The following ABCA7 variants were observed in gnomAD, a reference collection of about 807,000 sequenced individuals.
ABCA7 encodes ATP binding cassette subfamily A member 7.
ABCA7 carries 261 observed loss-of-function variants against 227.6 expected under a neutral mutation model. That is an observed-to-expected ratio of 1.15 (90% CI 1.04 to 1.27). The LOEUF (loss-of-function observed/expected upper bound fraction) is 1.27, where lower values mean the gene tolerates loss of function less well. ABCA7 is among the 50% of genes most tolerant of loss of function. The probability of loss-of-function intolerance (pLI) is 0.00; values close to 1 mark genes in which losing one functional copy is unlikely to be tolerated. For synonymous variants in ABCA7, 1,488 were observed against 1,279.7 expected (o/e 1.16, Z -3.47); for missense variants, 3,331 against 2,924.5 (o/e 1.14, Z -3.21).
chr19:1,063,987 C>T (rs2042864113), intron 44 of ABCA7, 124 bp downstream of exon 44: 4 of 1,373,818 alleles, frequency 2.9e-6, no homozygotes, highest in Non-Finnish European at 2.9e-6. Context: ...GCGCCAGGCC[C>T]CGGGGTGTAA....
rs530537679 is a variant in ABCA7 at position 1,052,056 on chromosome 19, G to A, written c.3077G>A (p.Arg1026His). The change falls in exon 22 of 47, where the codon CGC becomes CAC. Residue 1026 changes from arginine (R) to histidine (H), a missense_variant. Coordinates refer to ENST00000263094, the MANE Select transcript of ABCA7 (RefSeq NM_019112.4). ...TGCTGTGGCTCCCCACTCTTCCTGC[G>A]CCGTCACCTGGGCTCCGGCTACTAC... is the stretch of plus-strand genomic sequence containing the variant. ...LCCCGSPLFLRRHLGSGYYLT... is the reference protein window; with the variant it reads ...LCCCGSPLFLHRHLGSGYYLT... The A allele has an allele frequency of 4.1e-5, 66 of 1,612,174 alleles. No individual in the cohort carries two copies. Among genetic ancestry groups the A allele is most frequent in the Admixed American group, 8.3e-5 (5 of 59,994 alleles).
At position 1,056,872 on chromosome 19, in the gene ABCA7, T is replaced by G; in HGVS notation, c.4587-35T>G. 1 of 1,597,522 alleles carries G rather than the reference T, an allele frequency of 6.3e-7. No individual in the cohort carries two copies. Among genetic ancestry groups the G allele is most frequent in the Non-Finnish European group, 8.6e-7 (1 of 1,169,084 alleles). On this transcript the variant is annotated intron_variant, in intron 33 of 46. Transcript: ENST00000263094. This position sits in a 1 kb window ranked among gnomAD's most constrained non-coding sequence, Gnocchi z 4.3. ...TCTGCTCTGAGCAACCCATGCACCC[T>G]CACCCTACAACAGCTCTCATGTCTT...
rs1319058483 is a variant in ABCA7 at position 1,041,878 on chromosome 19, C to T, written c.208C>T (p.Leu70Phe). The T allele has an allele frequency of 1.3e-6, 2 of 1,598,552 alleles. No homozygotes were observed. The highest frequency in any genetic ancestry group is 1.7e-6 in the Non-Finnish European group (2 of 1,177,406). The change falls in exon 4 of 47, where the codon CTC becomes TTC. Residue 70 changes from leucine (L) to phenylalanine (F), a missense_variant. Leu to Phe is a conservative substitution (Grantham distance 22, BLOSUM62 0). Coordinates refer to ENST00000263094, the MANE Select transcript of ABCA7 (RefSeq NM_019112.4). ...GCCATCGGCGGGCACCGTGCCCTGGCTCCAGGGTCTCATCTGTAATGTGAA... is the reference window on the plus strand; with the variant it reads ...GCCATCGGCGGGCACCGTGCCCTGGTTCCAGGGTCTCATCTGTAATGTGAA... ...PLPSAGTVPW[L>F]QGLICNVNNT...
Position 1,043,043 on chromosome 19 carries a change from C to T in ABCA7, c.582C>T (p.Leu194=). 1 of 1,600,030 alleles carries T rather than the reference C, an allele frequency of 6.2e-7. No individual in the cohort carries two copies. The highest frequency in any genetic ancestry group is 8.5e-7 in the Non-Finnish European group (1 of 1,170,558). ...LEAAEDLAQE[L]LALRSLVELR... ...TCCGTCTGGTAACCTCTCTCTAGCT[C>T]CTGGCGCTGCGCAGCCTGGTGGAGC... Residue 194 remains leucine, a splice_region_variant and synonymous_variant, in exon 8 of 47, where the codon CTC becomes CTT. Transcript: ENST00000263094.
chr19:1,062,047 C>T (rs2042691234), intron 41 of ABCA7, 125 bp from the exon 42 acceptor site: 2 of 1,485,696 alleles, frequency 1.3e-6, no homozygotes, highest in Non-Finnish European at 1.8e-6. Context: ...GCGGACCAGG[C>T]CCTGAGACAC....
intron 35 of ABCA7, 65 bp downstream of exon 35, chr19:1,057,494 G>A (rs1274717060): frequency 5.5e-6 from 8 of 1,457,550 alleles, no homozygotes; most frequent in Non-Finnish European, 7.7e-6. Context: ...CATTAATGCT[G>A]CTGAGATAGA....
In ABCA7 at chr19:1,045,152, G is replaced by A. The variant is rs1285470523; in HGVS notation, c.1366G>A (p.Asp456Asn). ...AGACCCCACAGAGCACCCAACCCCA[G>A]ACCTGGGCCCCGGCCACGTGCGCAT... Reference protein sequence around the residue: ...SSDPTEHPTPDLGPGHVRIKI... With the variant: ...SSDPTEHPTPNLGPGHVRIKI... Residue 456 changes from aspartate to asparagine, a missense_variant, in exon 12 of 47, where the codon GAC (aspartate) becomes AAC (asparagine). Physicochemically the swap from Asp to Asn is conservative, Grantham distance 23 (BLOSUM62 1). Coordinates refer to ENST00000263094, the MANE Select transcript of ABCA7 (RefSeq NM_019112.4). 1 of 1,612,874 alleles carries A rather than the reference G, an allele frequency of 6.2e-7. No individual in the cohort carries two copies. The highest frequency in any genetic ancestry group is 2.2e-5 in the East Asian group (1 of 44,874).
In ABCA7 at chr19:1,044,711, G is replaced by A. The variant is rs1423857983; in HGVS notation, c.1182G>A (p.Gly394=). 2 of 1,610,828 alleles carry A rather than the reference G, an allele frequency of 1.2e-6. No individual in the cohort carries two copies. The highest frequency in any genetic ancestry group is 2.7e-5 in the African/African-American group (2 of 74,200). The change falls in exon 11 of 47, where the codon GGG becomes GGA. Residue 394 remains glycine (G), a synonymous_variant. Coordinates refer to ENST00000263094, the MANE Select transcript of ABCA7 (RefSeq NM_019112.4). ...GGCAGGACGCACACGCTGATGTGGGGCACCTGGTGGGCACGCTGGGCCGAG... is the reference window on the plus strand; with the variant it reads ...GGCAGGACGCACACGCTGATGTGGGACACCTGGTGGGCACGCTGGGCCGAG... ...YSWQDAHADV[G]HLVGTLGRVT...
chr19:1,047,607 C>G lies in ABCA7; in HGVS notation c.2222C>G (p.Ala741Gly). Residue 741 changes from alanine to glycine, a missense_variant, in exon 16 of 47, where the codon GCG becomes GGG. By Grantham distance (60) the Ala-to-Gly change is moderately conservative (BLOSUM62 0). Transcript: ENST00000263094. ...AQVSGLLLLD[A>G]ALYGLATWYL... is the part of the protein sequence containing the mutation. ...GTCTCTGGCCTTCTGCTGCTGGACGCGGCGCTCTACGGCCTCGCCACCTGG... is the reference window on the plus strand; with the variant it reads ...GTCTCTGGCCTTCTGCTGCTGGACGGGGCGCTCTACGGCCTCGCCACCTGG... 1 of 1,601,912 alleles carries G rather than the reference C, an allele frequency of 6.2e-7. No homozygotes were observed. The highest frequency in any genetic ancestry group is 8.5e-7 in the Non-Finnish European group (1 of 1,178,776).
rs2042112526 is a variant in ABCA7 at position 1,054,910 on chromosome 19, CT to C, written c.3950+33del. On this transcript the variant is annotated intron_variant, in intron 29 of 46. Transcript: ENST00000263094. The surrounding 1 kb of genome is among the most constrained non-coding windows in gnomAD (Gnocchi z 4.8). ...CGTCTTGTTGGCCTGGACCTTTCCC[CT>C]CTCTGGCCTCAGTTTTCCCATCTGG... The C allele has an allele frequency of 1.9e-6, 3 of 1,547,784 alleles. No individual in the cohort carries two copies. The highest frequency in any genetic ancestry group is 2.6e-6 in the Non-Finnish European group (3 of 1,142,152).
chr19:1,042,558 T>A (rs1399150101), intron 6 of ABCA7, 161 bp downstream of exon 6: 4 of 1,053,920 alleles, frequency 3.8e-6, no homozygotes, highest in Non-Finnish European at 5.7e-6. Flanking sequence ...CCAGACAGAG[T>A]GTGTCTGACC....
intron 23 of ABCA7, 126 bp from the exon 24 acceptor site, chr19:1,053,203 T>C: frequency 9.7e-7 from 1 of 1,027,150 alleles, no homozygotes; most frequent in Non-Finnish European, 1.4e-6. Context: ...GCACCTGGCC[T>C]ACGTTCTTAA....
rs756695686 is a variant in ABCA7, at chr19:1,062,257, G to A, written c.5656G>A (p.Glu1886Lys). 1.2e-6 allele frequency: 2 copies of A among 1,611,394 alleles called. No individual in the cohort carries two copies. The highest frequency in any genetic ancestry group is 2.2e-5 in the East Asian group (1 of 44,868). The change falls in exon 42 of 47, where the codon GAG becomes AAG. Residue 1886 changes from glutamate to lysine, a missense_variant. Coordinates refer to ENST00000263094, the MANE Select transcript of ABCA7 (RefSeq NM_019112.4). ...DAIFELLTGR[E>K]HLELLARLRG... The stretch of plus-strand genomic sequence containing the variant: ...CATCTTTGAGCTGCTGACGGGCCGC[G>A]AGCACCTGGAGCTGCTTGCGCGCCT...
intron 6 of ABCA7, 28 bp downstream of exon 6, chr19:1,042,425 A>T (rs1451745220): frequency 3.1e-6 from 5 of 1,609,938 alleles, no homozygotes; most frequent in Admixed American, 1.7e-5. Flanking sequence ...GACCGCGCTG[A>T]CTTCCTGGGA....
At position 1,047,000 on chromosome 19, in the gene ABCA7, C is replaced by G. The variant is rs934241928; in HGVS notation, c.1821C>G (p.Ala607=). ...LSCLGPFLLS[A]ALLVLVLKLG... ...GCCTCGGGCCCTTCCTGCTCAGCGCCGCACTGCTGGTTCTGGTGCTCAAGG... is the reference window on the plus strand; with the variant it reads ...GCCTCGGGCCCTTCCTGCTCAGCGCGGCACTGCTGGTTCTGGTGCTCAAGG... Residue 607 remains alanine (A), a synonymous_variant, in exon 14 of 47, where the codon GCC becomes GCG. Coordinates refer to ENST00000263094, the MANE Select transcript of ABCA7 (RefSeq NM_019112.4). 3 of 1,576,324 alleles carry G rather than the reference C, an allele frequency of 1.9e-6. No homozygotes were observed. Among genetic ancestry groups the G allele is most frequent in the African/African-American group, 1.3e-5 (1 of 74,474 alleles).
chr19:1,050,164 A>G (rs2041415503), intron 18 of ABCA7, among the ~76,000 whole-genome samples: 1 of 151,528 alleles, frequency 6.6e-6, no homozygotes, highest in Non-Finnish European at 1.5e-5. Flanking sequence ...TAATCCCAGC[A>G]CTTGGGCAAG....
rs756230072 is a variant in ABCA7 at position 1,051,543 on chromosome 19, T to A, written c.2919T>A (p.Ala973=). ...AGCCTACGGCTGGCGTGGATCCTGC[T>A]TCCCGCCGCGGTATTTGGGAGCTGC... ...LDEPTAGVDP[A]SRRGIWELLL... Residue 973 remains alanine (A), a synonymous_variant, in exon 21 of 47, where the codon GCT becomes GCA. Transcript: ENST00000263094. The A allele has an allele frequency of 6.2e-7, 1 of 1,612,650 alleles. No individual in the cohort carries two copies. Among genetic ancestry groups the A allele is most frequent in the Admixed American group, 1.7e-5 (1 of 60,004 alleles).
At chr19:1,048,518 A>AAAAAAAAT (rs1568291519) in intron 16 of ABCA7, among the ~76,000 whole-genome samples, 9 of 141,096 alleles carry the variant, frequency 6.4e-5, no homozygotes, top group African/African-American at 1.9e-4. Flanking sequence ...AACAAAAAAA[A>AAAAAAAAT]AAAAAACAAG....
chr19:1,048,605 G>C (rs1015003678), intron 16 of ABCA7, among the ~76,000 whole-genome samples: 1 of 151,356 alleles, frequency 6.6e-6, no homozygotes, highest in African/African-American at 2.4e-5. Flanking sequence ...GTCAGGAGAT[G>C]GAGACCATCC....
Sources: allele counts gnomAD v4.1 joint callset (sites outside exome capture counted in the v4.1 genomes callset), GRCh38; gene constraint gnomAD v4.1.1; non-coding constraint Gnocchi (gnomAD v3.1); transcripts MANE v1.5; gene names NCBI Gene and HGNC (gene_info 2026-07-23, HGNC 2026-07-21).